The following ZNF438 variants were observed in gnomAD, a reference collection of about 807,000 sequenced individuals.
ZNF438 encodes the protein zinc finger protein 438.
In ZNF438, 25 loss-of-function variants were observed where a neutral mutation model predicts 38.0. The ratio of observed to expected loss-of-function variants is 0.66; its 90% CI spans 0.48 to 0.92. The LOEUF (loss-of-function observed/expected upper bound fraction) is 0.92. Among genes scored for constraint, ZNF438 ranks in the 40% least tolerant of loss-of-function variants. ZNF438 has a pLI of 0.00. For missense variants in ZNF438, 1,007 were observed against 999.6 expected, an observed-to-expected ratio of 1.01 and a Z score of -0.10; for synonymous variants, 372 against 364.1, an observed-to-expected ratio of 1.02 and a Z score of -0.25.
At position 30,845,054 on chromosome 10, in the gene ZNF438, C is replaced by T. The variant is rs2031565647; in HGVS notation, c.2394G>A (p.Gln798=). The T allele has an allele frequency of 1.9e-6, 3 of 1,614,190 alleles. No homozygotes were observed. The East Asian group carries it at 6.7e-5, about 36-fold the overall frequency. The change falls in exon 6 of 6, where the codon CAG becomes CAA. Residue 798 remains glutamine, a synonymous_variant. Coordinates refer to ENST00000413025, the Ensembl canonical transcript of ZNF438. The stretch of plus-strand genomic sequence containing the variant: ...GTTTGGAAGGGTCCTCACAGTTATG[C>T]TGGTGCTTCCAGTGGTGGAGGAGGT...
At chr10:31,014,047 T>A (rs2055969920) in intron 1 of ZNF438, among the ~76,000 whole-genome samples, 1 of 152,216 alleles carries the variant, frequency 6.6e-6, no homozygotes, top group Non-Finnish European at 1.5e-5. Context: ...AATTTAATAA[T>A]GATATCCTTG....
intron 2 of ZNF438, among the ~76,000 whole-genome samples, chr10:30,941,185 T>A (rs1286376183): frequency 6.6e-6 from 1 of 152,088 alleles, no homozygotes; most frequent in African/African-American, 2.4e-5. Context: ...AACTCTCCTG[T>A]CTCAGCCTCC....
intron 2 of ZNF438, among the ~76,000 whole-genome samples, chr10:30,922,066 C>T (rs892752517): frequency 6.6e-6 from 1 of 152,234 alleles, no homozygotes; most frequent in African/African-American, 2.4e-5. Flanking sequence ...GAGTACTTGG[C>T]CCATATTATT....
chr10:30,979,438 A>T (rs2051838101), intron 1 of ZNF438, among the ~76,000 whole-genome samples: 1 of 152,228 alleles, frequency 6.6e-6, no homozygotes, highest in Admixed American at 6.5e-5. Context: ...GAACCAAAAA[A>T]GAGCCTGCAT....
At chr10:30,874,114 GTATATA>G (rs58422289) in intron 4 of ZNF438, among the ~76,000 whole-genome samples, 8,606 of 79,944 alleles carry the variant, frequency 0.11, 628 homozygotes, top group Non-Finnish European at 0.14. Flanking sequence ...GTGTGTGTGT[GTATATA>G]TATATATATA....
chr10:30,909,288 A>G (rs1008375535), intron 2 of ZNF438, among the ~76,000 whole-genome samples: 4 of 152,190 alleles, frequency 2.6e-5, no homozygotes, highest in African/African-American at 4.8e-5. Flanking sequence ...AGAAATGCTT[A>G]ACTTTTGTTT....
chr10:30,849,901 T>C (rs745863081), exon 5 of ZNF438: 1 of 1,613,972 alleles, frequency 6.2e-7, no homozygotes, highest in East Asian at 2.2e-5. Context: ...TGTACAGGAG[T>C]TCAGGGTGGT....
At chr10:30,909,549 A>C (rs147558639) in intron 2 of ZNF438, among the ~76,000 whole-genome samples, 2 of 152,162 alleles carry the variant, frequency 1.3e-5, no homozygotes, top group Non-Finnish European at 2.9e-5. Flanking sequence ...TTTTAACTTT[A>C]ATTTTCTTTT....
At chr10:30,898,994 A>AATATTCTCCACCTTCTTCAGATTAGTT (rs1162494753) in intron 3 of ZNF438, among the ~76,000 whole-genome samples, 2 of 152,186 alleles carry the variant, frequency 1.3e-5, no homozygotes, top group Non-Finnish European at 1.5e-5. Flanking sequence ...AAATCCAAAG[A>AATATTCTCCACCTTCTTCAGATTAGTT]ATATTCTCCA....
At chr10:30,881,299 T>C (rs1034019417) in intron 3 of ZNF438, among the ~76,000 whole-genome samples, 1 of 152,064 alleles carries the variant, frequency 6.6e-6, no homozygotes, top group Non-Finnish European at 1.5e-5. Flanking sequence ...CAATACAAAA[T>C]CAATATGCAA....
At chr10:30,975,559 G>T (rs1411833936) in intron 1 of ZNF438, among the ~76,000 whole-genome samples, 1 of 152,122 alleles carries the variant, frequency 6.6e-6, no homozygotes, top group Non-Finnish European at 1.5e-5. Context: ...TCCTAAACAT[G>T]TTCCAGACCT....
intron 2 of ZNF438, among the ~76,000 whole-genome samples, chr10:30,926,600 A>C (rs2044959850): frequency 6.6e-6 from 1 of 151,436 alleles, no homozygotes; most frequent in Non-Finnish European, 1.5e-5. Flanking sequence ...CGGAAGGCAG[A>C]GGTTGCAGTG....
chr10:30,861,520 AAC>A (rs1004674082), intron 4 of ZNF438, among the ~76,000 whole-genome samples: 3 of 152,214 alleles, frequency 2.0e-5, no homozygotes, highest in Admixed American at 6.6e-5. Flanking sequence ...TAAAAAAAAT[AAC>A]ACAATGTGGT....
chr10:30,844,901 G>A (rs978756854), exon 6 of ZNF438: 61 of 1,558,482 alleles, frequency 3.9e-5, no homozygotes, highest in African/African-American at 6.8e-5. Flanking sequence ...CATAAAGCAC[G>A]AAGCTCTGAA....
chr10:30,956,710 T>C (rs924309470), intron 1 of ZNF438, among the ~76,000 whole-genome samples: 17 of 152,228 alleles, frequency 1.1e-4, no homozygotes, highest in Admixed American at 5.2e-4. Flanking sequence ...CTGCAAATGA[T>C]AGAATTTCAT....
intron 2 of ZNF438, among the ~76,000 whole-genome samples, chr10:30,913,928 T>C (rs568110636): frequency 6.6e-6 from 1 of 152,258 alleles, no homozygotes; most frequent in African/African-American, 2.4e-5. Context: ...TATTAAGCCA[T>C]AGACAAATCC....
At chr10:30,848,433 G>T in intron 5 of ZNF438, 98 bp downstream of exon 6, 1 of 1,378,296 alleles carries the variant, frequency 7.3e-7, no homozygotes, top group Non-Finnish European at 9.8e-7. Flanking sequence ...TAATCCTAGA[G>T]ATGTTTTATA....
At chr10:30,921,573 C>T (rs953881416) in intron 2 of ZNF438, among the ~76,000 whole-genome samples, 2 of 152,158 alleles carry the variant, frequency 1.3e-5, no homozygotes, top group African/African-American at 2.4e-5. Context: ...GACCCAGGCA[C>T]ACAGTGTCCT....
intron 4 of ZNF438, among the ~76,000 whole-genome samples, chr10:30,873,788 G>A (rs1397263863): frequency 6.6e-6 from 1 of 152,106 alleles, no homozygotes; most frequent in Non-Finnish European, 1.5e-5. Flanking sequence ...CATTAAACCT[G>A]CTTCTACCAT....
Sources: allele counts gnomAD v4.1 joint callset (sites outside exome capture counted in the v4.1 genomes callset), GRCh38; gene constraint gnomAD v4.1.1; transcripts MANE v1.5; gene names NCBI Gene and HGNC (gene_info 2026-07-23, HGNC 2026-07-21).